Variants in NTM observed in about 807,000 individuals in gnomAD.
The protein encoded by NTM is neurotrimin.
In NTM, 13 loss-of-function variants were observed where a neutral mutation model predicts 42.1. The observed-to-expected ratio is 0.31, with a 90% CI of 0.20 to 0.49. The LOEUF (loss-of-function observed/expected upper bound fraction) is 0.49, where lower values mean the gene tolerates loss of function less well. Among genes scored for constraint, NTM ranks in the 20% least tolerant of loss-of-function variants. The pLI, the probability that NTM is intolerant of heterozygous loss-of-function variation, is 0.99. For missense variants in NTM, 373 were observed against 452.8 expected, an observed-to-expected ratio of 0.82 and a Z score of 1.60; for synonymous variants, 187 against 179.2, an observed-to-expected ratio of 1.04 and a Z score of -0.35.
chr11:132,217,162 G>A (rs540124490), intron 4 of NTM, among the ~76,000 whole-genome samples: 2 of 151,938 alleles, frequency 1.3e-5, no homozygotes, highest in Non-Finnish European at 2.9e-5. Flanking sequence ...TCTAAACCCC[G>A]GATGACTCCC....
intron 2 of NTM, among the ~76,000 whole-genome samples, chr11:132,031,202 C>T (rs1243204578): frequency 6.6e-6 from 1 of 152,186 alleles, no homozygotes; most frequent in African/African-American, 2.4e-5. Flanking sequence ...ACCACACAAA[C>T]CAGAAAGAGT....
chr11:131,924,805 G>C (rs1375488119), intron 2 of NTM, among the ~76,000 whole-genome samples: 1 of 152,198 alleles, frequency 6.6e-6, no homozygotes, highest in African/African-American at 2.4e-5. Context: ...GAGATGATTT[G>C]TTACAATAGC....
chr11:132,073,044 G>A (rs1295679751), intron 2 of NTM, among the ~76,000 whole-genome samples: 1 of 152,186 alleles, frequency 6.6e-6, no homozygotes, highest in Non-Finnish European at 1.5e-5. Flanking sequence ...ACAGCCTGCA[G>A]CCACGGAGTC....
intron 1 of NTM, among the ~76,000 whole-genome samples, chr11:131,469,295 T>C (rs543205008): frequency 1.6e-3 from 243 of 152,320 alleles, no homozygotes; most frequent in African/African-American, 5.8e-3. Context: ...TTCTAAGGGT[T>C]TTACATATAT....
chr11:131,982,876 C>A (rs903461891), intron 2 of NTM, among the ~76,000 whole-genome samples: 4 of 152,110 alleles, frequency 2.6e-5, no homozygotes. Context: ...CTGGTCTTGC[C>A]TTTCTGCAGA....
At chr11:131,520,764 A>C (rs2049530739) in intron 1 of NTM, among the ~76,000 whole-genome samples, 1 of 145,374 alleles carries the variant, frequency 6.9e-6, no homozygotes. Flanking sequence ...GAAAAAAAAA[A>C]ATCTCCAAAA....
chr11:132,256,052 C>T (rs1371683147), intron 4 of NTM, among the ~76,000 whole-genome samples: 3 of 152,236 alleles, frequency 2.0e-5, no homozygotes, highest in African/African-American at 7.2e-5. Flanking sequence ...CCCTGCACCA[C>T]ATCTGTGCAT....
Position 131,940,609 on chromosome 11 carries a change from C to G in NTM, c.167+28961C>G, listed in dbSNP as rs558450304. On this transcript the variant is annotated intron_variant, in intron 2 of 8. Coordinates refer to ENST00000683400, the MANE Select transcript of NTM (RefSeq NM_001352005.2). ...GACTCTTACCTTACAAATGATTGTC[C>G]CAAAGCGTTCAGTAATGTTTTCTTA... is the stretch of plus-strand genomic sequence containing the variant. Among the ~76,000 whole-genome samples, 225 of 152,246 alleles carry G rather than the reference C, an allele frequency of 1.5e-3. 1 individual carries two copies. The highest frequency in any genetic ancestry group is 2.5e-3 in the Non-Finnish European group (172 of 68,026).
intron 1 of NTM, among the ~76,000 whole-genome samples, chr11:131,614,665 T>A (rs1383318558): frequency 1.3e-5 from 2 of 152,234 alleles, no homozygotes; most frequent in African/African-American, 4.8e-5. Context: ...TCGTCACTGC[T>A]TTGTCAGTTC....
intron 4 of NTM, among the ~76,000 whole-genome samples, chr11:132,214,377 T>G (rs987209732): frequency 1.3e-5 from 2 of 152,048 alleles, no homozygotes; most frequent in Admixed American, 1.3e-4. Flanking sequence ...AGAGGCTCTG[T>G]CTTCTGTTTG....
chr11:131,887,511 T>C (rs2050599570), intron 1 of NTM, among the ~76,000 whole-genome samples: 1 of 152,218 alleles, frequency 6.6e-6, no homozygotes, highest in African/African-American at 2.4e-5. Context: ...CTCAGCTTCT[T>C]TGTTCTTTCT....
chr11:131,542,214 C>G (rs150751723), intron 1 of NTM, among the ~76,000 whole-genome samples: 1 of 152,144 alleles, frequency 6.6e-6, no homozygotes, highest in Non-Finnish European at 1.5e-5. Flanking sequence ...CGGCACAGCT[C>G]GGAAGGTCAA....
chr11:131,615,837 C>G (rs750920598), intron 1 of NTM, among the ~76,000 whole-genome samples: 1 of 152,200 alleles, frequency 6.6e-6, no homozygotes, highest in Non-Finnish European at 1.5e-5. Context: ...AGGGAGCTTA[C>G]TGAGTCACTG....
chr11:132,090,309 T>C (rs1467079062), intron 2 of NTM, among the ~76,000 whole-genome samples: 1 of 152,160 alleles, frequency 6.6e-6, no homozygotes, highest in Non-Finnish European at 1.5e-5. Flanking sequence ...ACCTTCCCTA[T>C]GGCAGAGAGC....
intron 2 of NTM, among the ~76,000 whole-genome samples, chr11:132,128,578 C>G (rs1436784663): frequency 6.6e-6 from 1 of 151,864 alleles, no homozygotes; most frequent in African/African-American, 2.4e-5. Context: ...TGTAGGAGTT[C>G]ACCCAACCAA....
intron 1 of NTM, among the ~76,000 whole-genome samples, chr11:131,818,701 C>T (rs73579951): frequency 0.013 from 1,928 of 152,236 alleles, 37 homozygotes; most frequent in African/African-American, 0.045. Context: ...CAGGCCTTAT[C>T]GGTGGCTGGA....
intron 2 of NTM, among the ~76,000 whole-genome samples, chr11:132,047,009 G>A (rs1426754077): frequency 2.0e-5 from 3 of 152,114 alleles, no homozygotes; most frequent in African/African-American, 7.2e-5. Flanking sequence ...GTTAATCTCC[G>A]TTTTACCCAT....
At chr11:131,682,182 G>A (rs568983756) in intron 1 of NTM, among the ~76,000 whole-genome samples, 2 of 152,152 alleles carry the variant, frequency 1.3e-5, no homozygotes, top group Admixed American at 6.5e-5. Flanking sequence ...GGTCTCACCC[G>A]TTCCTGATCT....
chr11:132,001,588 A>G (rs1168658230), intron 2 of NTM, among the ~76,000 whole-genome samples: 2 of 152,076 alleles, frequency 1.3e-5, no homozygotes, highest in Admixed American at 1.3e-4. Context: ...CAGGAGAGAG[A>G]GGGTGGGGAG....
Sources: gnomAD v4.1 joint callset for allele counts (sites outside exome capture counted in the v4.1 genomes callset) on GRCh38, gnomAD v4.1.1 for gene constraint, MANE v1.5 for transcripts, NCBI Gene and HGNC (gene_info 2026-07-23, HGNC 2026-07-21) for gene names.